REXO1: variants seen among roughly 807,000 people sequenced by gnomAD.
REXO1 encodes the protein REX1, RNA exonuclease 1 homolog.
In REXO1, 42 loss-of-function variants were observed where a neutral mutation model predicts 102.6. That is an observed-to-expected ratio of 0.41 (90% CI 0.32 to 0.53). The LOEUF (loss-of-function observed/expected upper bound fraction) is 0.53. Among genes scored for constraint, REXO1 ranks in the 20% least tolerant of loss-of-function variants. The probability of loss-of-function intolerance (pLI) is 0.27; values close to 1 mark genes in which losing one functional copy is unlikely to be tolerated. For synonymous variants in REXO1, 908 were observed against 779.1 expected, an observed-to-expected ratio of 1.17 and a Z score of -2.76; for missense variants, 1,819 against 1,732.5, an observed-to-expected ratio of 1.05 and a Z score of -0.89.
intron 1 of REXO1, among the ~76,000 whole-genome samples, chr19:1,829,358 C>T (rs886546453): frequency 6.6e-6 from 1 of 152,082 alleles, no homozygotes; most frequent in Non-Finnish European, 1.5e-5. Flanking sequence ...CCTGCCTCAG[C>T]CCCCCAAGTA....
intron 1 of REXO1, among the ~76,000 whole-genome samples, chr19:1,829,528 G>T (rs1446239366): frequency 1.3e-5 from 2 of 152,202 alleles, no homozygotes; most frequent in African/African-American, 4.8e-5. Flanking sequence ...ACTTTTTGTA[G>T]CTGGGCGCGG....
intron 1 of REXO1, among the ~76,000 whole-genome samples, chr19:1,846,667 C>T (rs2011555281): frequency 6.6e-6 from 1 of 152,152 alleles, no homozygotes; most frequent in African/African-American, 2.4e-5. Flanking sequence ...AGCAGGAGGT[C>T]GGCTCGAGGC....
In REXO1 at chr19:1,819,949, C is replaced by G; in HGVS notation, c.2635G>C (p.Val879Leu). The change falls in exon 7 of 16, where the codon GTG (valine) becomes CTG (leucine). Residue 879 changes from valine to leucine, a missense_variant. Transcript: ENST00000170168. The part of the protein sequence containing the change: ...KKLRGLAPSA[V>L]PGLSKTSGRR... The stretch of plus-strand genomic sequence containing the variant: ...CAGGACTCACTGCTGAGGCCGGGCA[C>G]AGCGCTGGGGGCCAGGCCCCTGAGC... 6.3e-7 allele frequency: 1 copy of G among 1,583,860 alleles called. No individual in the cohort carries two copies. The highest frequency in any genetic ancestry group is 8.6e-7 in the Non-Finnish European group (1 of 1,168,046).
chr19:1,831,778 G>C (rs1367647195), intron 1 of REXO1, among the ~76,000 whole-genome samples: 2 of 147,116 alleles, frequency 1.4e-5, no homozygotes, highest in Non-Finnish European at 3.0e-5. Flanking sequence ...CTGGGAGGCG[G>C]AAGTTGCAGT....
intron 5 of REXO1, 67 bp downstream of exon 5, chr19:1,821,452 C>T: frequency 6.3e-7 from 1 of 1,593,594 alleles, no homozygotes; most frequent in Non-Finnish European, 8.6e-7. Context: ...CTCCGCAGGT[C>T]CCATGTGGCC....
Position 1,828,007 on chromosome 19 carries a change from C to A in REXO1, c.782G>T (p.Gly261Val). The part of the protein sequence containing the change: ...RDERAAKRPR[G>V]SRGSEPYTPA... ...TGTGTAGGGCTCACTGCCGCGGGAGCCCCGGGGCCGCTTGGCGGCCCGCTC... is the reference window on the plus strand; with the variant it reads ...TGTGTAGGGCTCACTGCCGCGGGAGACCCGGGGCCGCTTGGCGGCCCGCTC... Residue 261 changes from glycine to valine, a missense_variant, in exon 2 of 16, where the codon GGC becomes GTC. Gly to Val is a moderately radical substitution (Grantham distance 109). Transcript: ENST00000170168. The A allele has an allele frequency of 6.2e-7, 1 of 1,612,736 alleles. No individual in the cohort carries two copies. Among genetic ancestry groups the A allele is most frequent in the Non-Finnish European group, 8.5e-7 (1 of 1,179,536 alleles).
chr19:1,817,203 C>T lies in REXO1; in HGVS notation c.3201+16G>A. The T allele has an allele frequency of 2.5e-6, 4 of 1,611,148 alleles. No homozygotes were observed. The highest frequency in any genetic ancestry group is 3.4e-6 in the Non-Finnish European group (4 of 1,179,888). On this transcript the variant is annotated intron_variant, in intron 12 of 15. Transcript: ENST00000170168. ...CCCCAATCCTGAACCCGACGCTGGGCAGAGAACAGCCTCACCATCTCGCAG... is the reference window on the plus strand; with the variant it reads ...CCCCAATCCTGAACCCGACGCTGGGTAGAGAACAGCCTCACCATCTCGCAG...
chr19:1,837,151 G>GGA (rs1021556383), intron 1 of REXO1, among the ~76,000 whole-genome samples: 9 of 152,338 alleles, frequency 5.9e-5, no homozygotes, highest in African/African-American at 2.2e-4. Flanking sequence ...TGTGTCCACG[G>GGA]GAGCGCCCAT....
chr19:1,830,834 G>C (rs965309608), intron 1 of REXO1: 14 of 165,862 alleles, frequency 8.4e-5, no homozygotes, highest in Non-Finnish European at 1.9e-4. Flanking sequence ...AGACCGCACA[G>C]GGCAGGTACA....
At chr19:1,846,122 T>C (rs1298212402) in intron 1 of REXO1, among the ~76,000 whole-genome samples, 1 of 152,012 alleles carries the variant, frequency 6.6e-6, no homozygotes, top group Non-Finnish European at 1.5e-5. Flanking sequence ...ATCTCCTCTC[T>C]GGAGGCCGCT....
chr19:1,825,743 TG>T, intron 3 of REXO1, 95 bp downstream of exon 3: 1 of 836,998 alleles, frequency 1.2e-6, no homozygotes, highest in East Asian at 2.5e-5. Context: ...CCCAAAGTGC[TG>T]GGATTACAGG....
chr19:1,832,602 G>A (rs575799379), intron 1 of REXO1, among the ~76,000 whole-genome samples: 22 of 151,100 alleles, frequency 1.5e-4, no homozygotes, highest in African/African-American at 2.4e-4. Flanking sequence ...GGTGGCTCAC[G>A]CCTGTCATCC....
At chr19:1,840,654 A>G (rs548690916) in intron 1 of REXO1, among the ~76,000 whole-genome samples, 36 of 150,910 alleles carry the variant, frequency 2.4e-4, no homozygotes, top group Admixed American at 5.3e-4. Flanking sequence ...TGCAACTCTG[A>G]GTGACACCCG....
At chr19:1,839,545 A>G (rs1160138397) in intron 1 of REXO1, among the ~76,000 whole-genome samples, 1 of 152,238 alleles carries the variant, frequency 6.6e-6, no homozygotes, top group African/African-American at 2.4e-5. Flanking sequence ...TGCAAGCACA[A>G]GCTGTTTTTG....
rs1353659994 is a variant in REXO1 at position 1,815,984 on chromosome 19, G to T, written c.*82C>A. 4.6e-6 allele frequency: 7 copies of T among 1,536,186 alleles called. No homozygotes were observed. The highest frequency in any genetic ancestry group is 2.4e-5 in the East Asian group (1 of 40,910). On this transcript the variant is annotated 3_prime_UTR_variant, in exon 16 of 16. Transcript: ENST00000170168. The surrounding 1 kb of genome is among the most constrained non-coding windows in gnomAD (Gnocchi z 4.0). ...TCGGCCAGGTGGACGGGTTACCGGA[G>T]ATTTATTGCACTGTTTTGGAAGAGG...
In REXO1 at chr19:1,816,705, T is replaced by G. The variant is rs1431567542; in HGVS notation, c.3310A>C (p.Asn1104His). The change falls in exon 13 of 16, where the codon AAC (asparagine) becomes CAC (histidine). Residue 1104 changes from asparagine (N) to histidine (H), a missense_variant. Physicochemically the swap from Asn to His is moderately conservative, Grantham distance 68. Coordinates refer to ENST00000170168, the MANE Select transcript of REXO1 (RefSeq NM_020695.4). ...GGAGGGCACTGGCCACACCTGGTGT[T>G]GTAGTCCACGATCTCGTTGTCAGGC... ...VKPDNEIVDYNTRFSGVTEAD... is the reference protein window; with the variant it reads ...VKPDNEIVDYHTRFSGVTEAD... 6.2e-7 allele frequency: 1 copy of G among 1,611,982 alleles called. No individual in the cohort carries two copies. The highest frequency in any genetic ancestry group is 2.2e-5 in the East Asian group (1 of 44,816).
At chr19:1,835,622 G>GCC (rs763550232) in intron 1 of REXO1, among the ~76,000 whole-genome samples, 33 of 152,268 alleles carry the variant, frequency 2.2e-4, no homozygotes, top group Non-Finnish European at 2.9e-4. Context: ...GCCCGTCCAG[G>GCC]CCCCGTCCCA....
At chr19:1,841,553 C>G (rs2011281574) in intron 1 of REXO1, among the ~76,000 whole-genome samples, 2 of 152,218 alleles carry the variant, frequency 1.3e-5, no homozygotes, top group African/African-American at 2.4e-5. Context: ...TAACGCCCAG[C>G]AGGAGGAGGC....
chr19:1,815,576 G>A lies in REXO1; in HGVS notation c.*490C>T. On this transcript the variant is annotated 3_prime_UTR_variant, in exon 16 of 16. Coordinates refer to ENST00000170168, the MANE Select transcript of REXO1 (RefSeq NM_020695.4). This position sits in a 1 kb window ranked among gnomAD's most constrained non-coding sequence, Gnocchi z 4.0. Reference sequence around the variant, plus strand: ...TGTCCCACCCCCACCCCGCAGGAGGGAAGGCAGCAGGCCCGCTCTTCCCGG... The same window carrying A: ...TGTCCCACCCCCACCCCGCAGGAGGAAAGGCAGCAGGCCCGCTCTTCCCGG... 2 of 804,902 alleles carry A rather than the reference G, an allele frequency of 2.5e-6. No homozygotes were observed. The highest frequency in any genetic ancestry group is 1.8e-5 in the African/African-American group (1 of 55,004). 49.9% of individuals were successfully genotyped at this position (804,902 alleles called of 1,614,324 possible). A position where few individuals can be genotyped will look rare whatever the true frequency, so the allele number is the denominator to read the frequency against.
Sources: allele counts gnomAD v4.1 joint callset (sites outside exome capture counted in the v4.1 genomes callset), GRCh38; gene constraint gnomAD v4.1.1; non-coding constraint Gnocchi (gnomAD v3.1); transcripts MANE v1.5; gene names NCBI Gene and HGNC (gene_info 2026-07-23, HGNC 2026-07-21).